Variants in RGS9 observed in about 807,000 individuals in gnomAD.
The protein encoded by RGS9 is regulator of G protein signaling 9.
In RGS9, 78 loss-of-function variants were observed where a neutral mutation model predicts 102.0. The observed-to-expected ratio is 0.76, with a 90% confidence interval of 0.64 to 0.92. The LOEUF (loss-of-function observed/expected upper bound fraction) is 0.92. Ranked by LOEUF, RGS9 falls within the 40% of genes least tolerant of loss-of-function variation. RGS9 has a pLI of 0.00. For missense variants in RGS9, 833 were observed against 866.1 expected (o/e 0.96, Z 0.48); for synonymous variants, 353 against 318.6 (o/e 1.11, Z -1.15).
chr17:65,202,475 G>T, intron 14 of RGS9, among the ~76,000 whole-genome samples: 1 of 148,828 alleles, frequency 6.7e-6, no homozygotes, highest in Admixed American at 6.7e-5. Flanking sequence ...GAGTGAGAGA[G>T]AGAGAGAAGA....
intron 1 of RGS9, among the ~76,000 whole-genome samples, chr17:65,140,238 G>A (rs376854812): frequency 2.6e-5 from 4 of 152,206 alleles, no homozygotes; most frequent in African/African-American, 4.8e-5. Flanking sequence ...TTCCCATGAC[G>A]TAGGGCAGAG....
At chr17:65,226,722 C>T (rs561606518) in intron 18 of RGS9, among the ~76,000 whole-genome samples, 30 of 151,978 alleles carry the variant, frequency 2.0e-4, no homozygotes, top group African/African-American at 7.0e-4. Flanking sequence ...CAGCAATTCT[C>T]CTGCCTCAGC....
intron 8 of RGS9, among the ~76,000 whole-genome samples, chr17:65,172,844 A>G (rs568738379): frequency 4.3e-4 from 65 of 152,308 alleles, no homozygotes; most frequent in Non-Finnish European, 6.9e-4. Flanking sequence ...AAGATCCTCT[A>G]GGAGCTGACT....
rs972761997 is a variant in RGS9, at chr17:65,147,053, G to A, written c.58-6369G>A. On this transcript the variant is annotated intron_variant, in intron 1 of 18. Transcript: ENST00000262406. ...CAGCAGCTGTACCTCCCAGTGCCCCGCAAACACCCTCCTGGCGTTGTCCCT... is the reference window on the plus strand; with the variant it reads ...CAGCAGCTGTACCTCCCAGTGCCCCACAAACACCCTCCTGGCGTTGTCCCT... Among the ~76,000 whole-genome samples, 4 of 152,100 alleles carry A rather than the reference G, an allele frequency of 2.6e-5. 1 individual carries two copies. The highest frequency in any genetic ancestry group is 1.3e-4 in the Admixed American group (2 of 15,262).
intron 12 of RGS9, among the ~76,000 whole-genome samples, chr17:65,196,725 T>C (rs1439557721): frequency 6.6e-6 from 1 of 152,194 alleles, no homozygotes; most frequent in Non-Finnish European, 1.5e-5. Flanking sequence ...GTGGCAGTGA[T>C]TGTAGCACCC....
At chr17:65,153,885 G>A (rs781437775) in intron 2 of RGS9, among the ~76,000 whole-genome samples, 4 of 150,268 alleles carry the variant, frequency 2.7e-5, no homozygotes, top group Non-Finnish European at 4.4e-5. Context: ...GCGAGACTCC[G>A]TCTCAAACAA....
At chr17:65,224,815 C>A (rs574577941) in intron 17 of RGS9, among the ~76,000 whole-genome samples, 187 bp from the exon 18 acceptor site, 1 of 152,316 alleles carries the variant, frequency 6.6e-6, no homozygotes, top group Non-Finnish European at 1.5e-5. Context: ...GGACAGGAGG[C>A]CTCTGTGTGG....
chr17:65,142,266 A>G (rs541584705), intron 1 of RGS9, among the ~76,000 whole-genome samples: 6 of 152,268 alleles, frequency 3.9e-5, no homozygotes, highest in Non-Finnish European at 5.9e-5. Context: ...AAAACCAAAA[A>G]CCAAAAACAA....
chr17:65,215,490 TTCTTTCGTTCTTTC>T (rs1913473886), intron 17 of RGS9, among the ~76,000 whole-genome samples: 1 of 88,852 alleles, frequency 1.1e-5, no homozygotes, highest in African/African-American at 8.8e-5. Context: ...CTTTCTTTCG[TTCTTTCGTTCTTTC>T]TTTCTTTCTT....
chr17:65,151,028 T>A (rs1910558247), intron 1 of RGS9, among the ~76,000 whole-genome samples: 1 of 152,158 alleles, frequency 6.6e-6, no homozygotes, highest in Admixed American at 6.5e-5. Context: ...TTGACTAGTG[T>A]CAAACATCCA....
intron 17 of RGS9, among the ~76,000 whole-genome samples, chr17:65,218,101 G>A (rs1205812942): frequency 1.3e-5 from 2 of 152,286 alleles, no homozygotes; most frequent in East Asian, 3.9e-4. Context: ...CTAGGAGAGG[G>A]AAGAAGTGTC....
rs567494273 is a variant in RGS9, at chr17:65,173,413, G to A, written c.583-4319G>A. The stretch of plus-strand genomic sequence containing the variant: ...TGTCCGTCAGCTCCACGCTGGCCTT[G>A]CTCTGTATGTGGGTTCCTGGGAACA... On this transcript the variant is annotated intron_variant, in intron 8 of 18. Coordinates refer to ENST00000262406, the MANE Select transcript of RGS9 (RefSeq NM_003835.4). This position sits in a 1 kb window ranked among gnomAD's most constrained non-coding sequence, Gnocchi z 4.8. Among the ~76,000 whole-genome samples, 21 of 152,168 alleles carry A rather than the reference G, an allele frequency of 1.4e-4. No individual in the cohort carries two copies. Among genetic ancestry groups the A allele is most frequent in the African/African-American group, 4.6e-4 (19 of 41,514 alleles).
chr17:65,160,857 A>C lies in RGS9; in HGVS notation c.371A>C (p.Tyr124Ser), dbSNP rs772849558. The C allele has an allele frequency of 6.2e-7, 1 of 1,613,882 alleles. No homozygotes were observed. Among genetic ancestry groups the C allele is most frequent in the Non-Finnish European group, 8.5e-7 (1 of 1,179,826 alleles). Reference sequence around the variant, plus strand: ...TCATTGCTTTCTTTTCCAGCCATCTATCTGGCCAAGCGAAATATCAAAAAG... The same window carrying C: ...TCATTGCTTTCTTTTCCAGCCATCTCTCTGGCCAAGCGAAATATCAAAAAG... Reference protein sequence around the residue: ...WPAEDTDYAIYLAKRNIKKKG... With the variant: ...WPAEDTDYAISLAKRNIKKKG... The change falls in exon 6 of 19, where the codon TAT (tyrosine) becomes TCT (serine). Residue 124 changes from tyrosine to serine, a missense_variant. Physicochemically the swap from Tyr to Ser is moderately radical, Grantham distance 144. Coordinates refer to ENST00000262406, the MANE Select transcript of RGS9 (RefSeq NM_003835.4).
intron 9 of RGS9, among the ~76,000 whole-genome samples, chr17:65,183,159 G>A (rs1171689023): frequency 1.3e-5 from 2 of 149,780 alleles, no homozygotes. Context: ...GTCTTGCTCT[G>A]TCACCCAGGC....
At chr17:65,222,365 G>A (rs539515562) in intron 17 of RGS9, among the ~76,000 whole-genome samples, 95 of 152,300 alleles carry the variant, frequency 6.2e-4, no homozygotes, top group African/African-American at 2.3e-3. Flanking sequence ...AGTCAGCTAT[G>A]CCTCATCACA....
chr17:65,172,038 G>A (rs1262856847), intron 8 of RGS9, among the ~76,000 whole-genome samples: 1 of 152,206 alleles, frequency 6.6e-6, no homozygotes, highest in East Asian at 1.9e-4. Context: ...TGCCAGAGAT[G>A]TCTGCCCTCC....
At chr17:65,220,931 T>G (rs1000228131) in intron 17 of RGS9, among the ~76,000 whole-genome samples, 1 of 152,184 alleles carries the variant, frequency 6.6e-6, no homozygotes, top group Non-Finnish European at 1.5e-5. Flanking sequence ...GTGTCACATT[T>G]CTTTGCCATG....
At chr17:65,177,601 G>T in intron 8 of RGS9, 131 bp from the exon 9 acceptor site, 2 of 930,334 alleles carry the variant, frequency 2.1e-6, no homozygotes, top group Admixed American at 1.7e-5. Flanking sequence ...CCCACTCAAA[G>T]CTTCCCATGG....
rs74762688 is a variant in RGS9 at position 65,190,279 on chromosome 17, G to A, written c.746+43G>A. ...TGATCTTGCTAAAGTCTGATGAACA[G>A]GTAGACAAGAGGAGAACTTCTGCAA... is the stretch of plus-strand genomic sequence containing the variant. On this transcript the variant is annotated intron_variant, in intron 11 of 18. Coordinates refer to ENST00000262406, the MANE Select transcript of RGS9 (RefSeq NM_003835.4). 428 of 1,489,786 alleles carry A rather than the reference G, an allele frequency of 2.9e-4. 2 individuals are homozygous for A. In the East Asian group the frequency reaches 9.6e-3, roughly 33 times the overall value. The allele number at this position is 1,489,786 out of a possible 1,614,324, so 92.3% of individuals were successfully genotyped here. A position where few individuals can be genotyped will look rare whatever the true frequency, so the allele number is the denominator to read the frequency against.
Sources: allele counts gnomAD v4.1 joint callset (sites outside exome capture counted in the v4.1 genomes callset), GRCh38; gene constraint gnomAD v4.1.1; non-coding constraint Gnocchi (gnomAD v3.1); transcripts MANE v1.5; gene names NCBI Gene and HGNC (gene_info 2026-07-23, HGNC 2026-07-21).